Variants in CCDC40 observed in about 807,000 individuals in gnomAD.
CCDC40 encodes coiled-coil domain-containing protein 40.
A neutral mutation model predicts 124.5 loss-of-function variants in CCDC40; 104 were observed. The ratio of observed to expected loss-of-function variants is 0.84; its 90% confidence interval spans 0.71 to 0.98. The LOEUF is 0.98. Ranked by LOEUF, CCDC40 falls within the 50% of genes least tolerant of loss-of-function variation. CCDC40 has a pLI of 0.00. For missense variants in CCDC40, 1,463 were observed against 1,503.9 expected, an observed-to-expected ratio of 0.97 and a Z score of 0.45; for synonymous variants, 580 against 602.9, an observed-to-expected ratio of 0.96 and a Z score of 0.56.
At position 80,051,319 on chromosome 17, in the gene CCDC40, T is replaced by C; in HGVS notation, c.1159+1036T>C. 10 of 982,774 alleles carry C rather than the reference T, an allele frequency of 1.0e-5. 1 individual carries two copies. The highest frequency in any genetic ancestry group is 1.2e-5 in the Non-Finnish European group (10 of 827,602). The allele number at this position is 982,774 out of a possible 1,614,324, so 60.9% of individuals were successfully genotyped here. Reference sequence around the variant, plus strand: ...GGTTCTGGAAATTTCAGAGTTAGGGTAAGTGGGCACTTATCAAGCACCTCT... The same window carrying C: ...GGTTCTGGAAATTTCAGAGTTAGGGCAAGTGGGCACTTATCAAGCACCTCT... On this transcript the variant is annotated intron_variant, in intron 7 of 19. Transcript: ENST00000397545.
At position 80,086,369 on chromosome 17, in the gene CCDC40, T is replaced by C; in HGVS notation, c.2449+153T>C. On this transcript the variant is annotated intron_variant, in intron 14 of 19. Transcript: ENST00000397545. The surrounding 1 kb of genome is among the most constrained non-coding windows in gnomAD (Gnocchi z 5.5). ...AAACGCGCATGCTCCCTGTATTTTGTAAATGTGAACCACTGCCTGCCCAGC... is the reference window on the plus strand; with the variant it reads ...AAACGCGCATGCTCCCTGTATTTTGCAAATGTGAACCACTGCCTGCCCAGC... 4 of 676,008 alleles carry C rather than the reference T, an allele frequency of 5.9e-6. No individual in the cohort carries two copies. Among genetic ancestry groups the C allele is most frequent in the Non-Finnish European group, 1.0e-5 (4 of 382,296 alleles). 41.9% of individuals were successfully genotyped at this position (676,008 alleles called of 1,614,324 possible).
intron 19 of CCDC40, among the ~76,000 whole-genome samples, chr17:80,098,293 T>C (rs55986047): frequency 0.35 from 53,300 of 152,132 alleles, 10,248 homozygotes; most frequent in African/African-American, 0.51. Flanking sequence ...CAATCATGAC[T>C]TTGGACTTTT....
intron 2 of CCDC40, among the ~76,000 whole-genome samples, chr17:80,038,709 C>A (rs968880105): frequency 2.0e-5 from 3 of 151,960 alleles, no homozygotes; most frequent in African/African-American, 7.3e-5. Context: ...CCTGTAGTCC[C>A]AGCTACTCGG....
chr17:80,090,340 C>T lies in CCDC40; in HGVS notation c.2832+456C>T, dbSNP rs1174925868. 1.4e-5 allele frequency: 9 copies of T among 639,446 alleles called. 3 individuals are homozygous for T. The highest frequency in any genetic ancestry group is 5.3e-5 in the African/African-American group (2 of 37,412). 39.6% of individuals were successfully genotyped at this position (639,446 alleles called of 1,614,324 possible). ...CACGGGACGCGCGCAGGCACGTGCA[C>T]GAACAAGGGACGCGCGCAGGCACGT... On this transcript the variant is annotated intron_variant, in intron 17 of 19. Coordinates refer to ENST00000397545, the MANE Select transcript of CCDC40 (RefSeq NM_017950.4).
chr17:80,060,097 G>C (rs1320556893), intron 9 of CCDC40, among the ~76,000 whole-genome samples: 1 of 152,196 alleles, frequency 6.6e-6, no homozygotes, highest in Non-Finnish European at 1.5e-5. Flanking sequence ...GGTTTTGGAA[G>C]AGAAGATTCA....
At chr17:80,055,796 A>G (rs973368883) in intron 7 of CCDC40, among the ~76,000 whole-genome samples, 8 of 151,394 alleles carry the variant, frequency 5.3e-5, no homozygotes, top group African/African-American at 1.9e-4. Context: ...CGCAGAGGCA[A>G]CGTAGATTCT....
At chr17:80,056,218 ATCTC>A (rs370757330) in intron 7 of CCDC40, among the ~76,000 whole-genome samples, 2 of 149,044 alleles carry the variant, frequency 1.3e-5, no homozygotes, top group Non-Finnish European at 3.0e-5. Context: ...GTGTATGTGT[ATCTC>A]TCTCTCTCTC....
chr17:80,060,741 A>T (rs1458899102), intron 9 of CCDC40, among the ~76,000 whole-genome samples: 1 of 152,206 alleles, frequency 6.6e-6, no homozygotes, highest in Non-Finnish European at 1.5e-5. Context: ...GTGTCACAAG[A>T]TAGACAGGCA....
intron 11 of CCDC40, 34 bp from the exon 12 acceptor site, chr17:80,081,842 C>G (rs1247286282): frequency 4.3e-6 from 7 of 1,613,814 alleles, no homozygotes; most frequent in Non-Finnish European, 5.9e-6. Flanking sequence ...GGTGCCTCTT[C>G]AGGCACGTGC....
rs1286681347 is a variant in CCDC40 at position 80,081,672 on chromosome 17, A to G, written c.1689A>G (p.Thr563=). ...TGAACCGGACAGAGACGGAAGCCAC[A>G]CTGCTGCAGAAGCTCACCACCCAGT... The part of the protein sequence containing the change: ...SILNRTETEA[T]LLQKLTTQCL... Residue 563 remains threonine (T), a synonymous_variant, in exon 11 of 20, where the codon ACA becomes ACG. Transcript: ENST00000397545. The G allele has an allele frequency of 1.7e-5, 28 of 1,614,058 alleles. No individual in the cohort carries two copies. Among genetic ancestry groups the G allele is most frequent in the Non-Finnish European group, 2.3e-5 (27 of 1,180,038 alleles).
Position 80,097,257 on chromosome 17 carries a change from T to C in CCDC40, c.3034T>C (p.Cys1012Arg). 3.7e-6 allele frequency: 6 copies of C among 1,613,746 alleles called. No homozygotes were observed. Among genetic ancestry groups the C allele is most frequent in the Non-Finnish European group, 5.1e-6 (6 of 1,179,964 alleles). Residue 1012 changes from cysteine to arginine, a missense_variant, in exon 19 of 20, where the codon TGC (cysteine) becomes CGC (arginine). Physicochemically the swap from Cys to Arg is radical, Grantham distance 180 (BLOSUM62 -3). Coordinates refer to ENST00000397545, the MANE Select transcript of CCDC40 (RefSeq NM_017950.4). ...IRDVRKATDE[C>R]TKTVLELEET... Reference sequence around the variant, plus strand: ...GTGATTCTCCTAGGCCACCGATGAGTGCACCAAAACCGTCCTGGAACTGGA... The same window carrying C: ...GTGATTCTCCTAGGCCACCGATGAGCGCACCAAAACCGTCCTGGAACTGGA...
chr17:80,048,185 C>T (rs562750177), intron 4 of CCDC40, among the ~76,000 whole-genome samples: 19 of 152,148 alleles, frequency 1.2e-4, no homozygotes, highest in South Asian at 8.3e-4. Context: ...GCTTGAACCC[C>T]GGAGGTGGAG....
Position 80,087,589 on chromosome 17 carries a change from C to A in CCDC40, c.2450-18C>A. 1 of 1,613,076 alleles carries A rather than the reference C, an allele frequency of 6.2e-7. No individual in the cohort carries two copies. Among genetic ancestry groups the A allele is most frequent in the Non-Finnish European group, 8.5e-7 (1 of 1,179,112 alleles). On this transcript the variant is annotated intron_variant, in intron 14 of 19. Coordinates refer to ENST00000397545, the MANE Select transcript of CCDC40 (RefSeq NM_017950.4). The surrounding 1 kb of genome is among the most constrained non-coding windows in gnomAD (Gnocchi z 4.5). ...ACCCTCCTGGGGTCTCTCCCTGAGT[C>A]TCTGTTTTCTGCCATAGGCAAGATT...
intron 3 of CCDC40, among the ~76,000 whole-genome samples, chr17:80,042,245 A>G (rs139944903): frequency 0.05 from 7,550 of 152,100 alleles, 605 homozygotes; most frequent in African/African-American, 0.17. Context: ...CAGCCTCCCA[A>G]GTAGCTGGGA....
Position 80,048,757 on chromosome 17 carries a change from A to G in CCDC40, c.851A>G (p.Asp284Gly), listed in dbSNP as rs1339782412. ...TCCCAGCTGGTGGTTTTGGACCCAG[A>G]CCACGTAAGGAAGCCTTCCCAGGTT... ...EGSQLVVLDP[D>G]HPLMVRFQAA... Residue 284 changes from aspartate to glycine, a missense_variant, in exon 5 of 20, where the codon GAC becomes GGC. Asp to Gly is a moderately conservative substitution (Grantham distance 94). Coordinates refer to ENST00000397545, the MANE Select transcript of CCDC40 (RefSeq NM_017950.4). 1.2e-6 allele frequency: 2 copies of G among 1,608,760 alleles called. No individual in the cohort carries two copies. The highest frequency in any genetic ancestry group is 2.7e-5 in the African/African-American group (2 of 74,844).
At position 80,086,127 on chromosome 17, in the gene CCDC40, T is replaced by G. The variant is rs1376083439; in HGVS notation, c.2360T>G (p.Val787Gly). The part of the protein sequence containing the change: ...WLRLQQEMVK[V>G]TQEQEEQLAS... Reference sequence around the variant, plus strand: ...CGCCTGCAGCAGGAGATGGTCAAGGTGACACAGGAGCAGGAGGAGCAGCTG... The same window carrying G: ...CGCCTGCAGCAGGAGATGGTCAAGGGGACACAGGAGCAGGAGGAGCAGCTG... The change falls in exon 14 of 20, where the codon GTG becomes GGG. Residue 787 changes from valine (V) to glycine (G), a missense_variant. Physicochemically the swap from Val to Gly is moderately radical, Grantham distance 109. Coordinates refer to ENST00000397545, the MANE Select transcript of CCDC40 (RefSeq NM_017950.4). The surrounding 1 kb of genome is among the most constrained non-coding windows in gnomAD (Gnocchi z 5.5). 5 of 1,613,868 alleles carry G rather than the reference T, an allele frequency of 3.1e-6. No homozygotes were observed. Among genetic ancestry groups the G allele is most frequent in the Non-Finnish European group, 3.4e-6 (4 of 1,179,974 alleles).
rs373560340 is a variant in CCDC40, at chr17:80,086,066, G to A, written c.2299G>A (p.Asp767Asn). ...KRLSKLIDEHDGKAVQAQVTW... is the reference protein window; with the variant it reads ...KRLSKLIDEHNGKAVQAQVTW... ...GCTGAGCAAGCTGATCGACGAGCAC[G>A]ATGGCAAGGCGGTCCAGGCCCAGGT... Residue 767 changes from aspartate (D) to asparagine (N), a missense_variant, in exon 14 of 20, where the codon GAT (aspartate) becomes AAT (asparagine). Transcript: ENST00000397545. The surrounding 1 kb of genome is among the most constrained non-coding windows in gnomAD (Gnocchi z 5.5). The A allele has an allele frequency of 2.5e-5, 40 of 1,614,154 alleles. No homozygotes were observed. The highest frequency in any genetic ancestry group is 5.0e-5 in the Admixed American group (3 of 60,034).
rs1181292979 is a variant in CCDC40 at position 80,066,684 on chromosome 17, G to A, written c.1562+1078G>A. ...ACAGAGAACTGCTTGAATTGCGGAG[G>A]TTGTAGTGAGCCGAGATCACGCCAC... On this transcript the variant is annotated intron_variant, in intron 10 of 19. Transcript: ENST00000397545. This position sits in a 1 kb window ranked among gnomAD's most constrained non-coding sequence, Gnocchi z 4.4. 1.9e-5 allele frequency: 3 copies of A among 156,580 alleles called. No individual in the cohort carries two copies. Among genetic ancestry groups the A allele is most frequent in the Non-Finnish European group, 4.2e-5 (3 of 71,038 alleles). The allele number at this position is 156,580 out of a possible 1,614,324, so 9.7% of individuals were successfully genotyped here. A position where few individuals can be genotyped will look rare whatever the true frequency, so the allele number is the denominator to read the frequency against.
intron 7 of CCDC40, among the ~76,000 whole-genome samples, chr17:80,052,114 A>C (rs753030): frequency 0.32 from 48,685 of 152,156 alleles, 10,590 homozygotes; most frequent in African/African-American, 0.62. Flanking sequence ...GAGAAAGCCC[A>C]CGGTCACCTG....
Sources: allele counts gnomAD v4.1 joint callset (sites outside exome capture counted in the v4.1 genomes callset), GRCh38; gene constraint gnomAD v4.1.1; non-coding constraint Gnocchi (gnomAD v3.1); transcripts MANE v1.5; gene names NCBI Gene and HGNC (gene_info 2026-07-23, HGNC 2026-07-21).